The following PIEZO2 variants were observed in gnomAD, a reference collection of about 807,000 sequenced individuals.
PIEZO2 encodes the protein piezo type mechanosensitive ion channel component 2.
A neutral mutation model predicts 337.3 loss-of-function variants in PIEZO2; 172 were observed. The observed-to-expected ratio is 0.51, with a 90% CI of 0.45 to 0.58. The LOEUF (loss-of-function observed/expected upper bound fraction) is 0.58, where lower values mean the gene tolerates loss of function less well. Ranked by LOEUF, PIEZO2 falls within the 20% of genes least tolerant of loss-of-function variation. The pLI is 0.00. For missense variants in PIEZO2, 3,028 were observed against 3,391.3 expected (o/e 0.89, Z 2.66); for synonymous variants, 1,251 against 1,228.5 (o/e 1.02, Z -0.38).
intron 2 of PIEZO2, among the ~76,000 whole-genome samples, chr18:11,022,193 T>C (rs75427092): frequency 0.13 from 19,393 of 152,174 alleles, 1,457 homozygotes; most frequent in Middle Eastern, 0.2. Flanking sequence ...CTCATGCACA[T>C]CCAGGTGCAG....
At chr18:10,709,835 C>G (rs537387248) in intron 39 of PIEZO2, among the ~76,000 whole-genome samples, 2 of 152,248 alleles carry the variant, frequency 1.3e-5, no homozygotes, top group African/African-American at 4.8e-5. Context: ...TGTGAGCAAC[C>G]AAAATACTCT....
rs755517024 is a variant in PIEZO2, at chr18:10,750,871, C to T, written c.4168-684G>A. ...AGAATATCATCAGGATTTGCTCCAA[C>T]AGCAGCAGTTACTCGTTATGGATTC... On this transcript the variant is annotated intron_variant, in intron 28 of 55. Coordinates refer to ENST00000674853, the MANE Select transcript of PIEZO2 (RefSeq NM_001378183.1). This position sits in a 1 kb window ranked among gnomAD's most constrained non-coding sequence, Gnocchi z 4.1. 1.6e-4 allele frequency among the ~76,000 whole-genome samples: 25 copies of T among 152,200 alleles called. No individual in the cohort carries two copies. The highest frequency in any genetic ancestry group is 3.2e-4 in the Non-Finnish European group (22 of 68,026).
At chr18:11,058,331 A>C (rs1378985513) in intron 2 of PIEZO2, among the ~76,000 whole-genome samples, 2 of 152,198 alleles carry the variant, frequency 1.3e-5, no homozygotes, top group African/African-American at 4.8e-5. Flanking sequence ...TGGGGAAAAA[A>C]CAGCTGGAAA....
At chr18:10,890,002 T>C (rs1383621470) in intron 4 of PIEZO2, among the ~76,000 whole-genome samples, 2 of 152,228 alleles carry the variant, frequency 1.3e-5, no homozygotes, top group East Asian at 3.9e-4. Flanking sequence ...TCCATAATTA[T>C]ACACAGCCTA....
chr18:10,809,989 G>A (rs975040923), intron 7 of PIEZO2, among the ~76,000 whole-genome samples: 1 of 151,984 alleles, frequency 6.6e-6, no homozygotes, highest in Admixed American at 6.6e-5. Flanking sequence ...CTGCTTATTT[G>A]GAAATAAAAA....
In PIEZO2 at chr18:10,807,057, G is replaced by A. The variant is rs1335629272; in HGVS notation, c.1080+55C>T. On this transcript the variant is annotated intron_variant, in intron 8 of 55. Coordinates refer to ENST00000674853, the MANE Select transcript of PIEZO2 (RefSeq NM_001378183.1). ...AGAGAACAGGAGTGAATCATTTCAC[G>A]TGGAGATTCTAGGTTACTTTGCAGA... is the stretch of plus-strand genomic sequence containing the variant. 70 of 1,458,664 alleles carry A rather than the reference G, an allele frequency of 4.8e-5. No individual in the cohort carries two copies. In the Admixed American group the frequency reaches 1.3e-3, roughly 27 times the overall value. The allele number at this position is 1,458,664 out of a possible 1,614,324, so 90.4% of individuals were successfully genotyped here. A position where few individuals can be genotyped will look rare whatever the true frequency, so the allele number is the denominator to read the frequency against.
chr18:10,744,913 G>T (rs1486726915), intron 30 of PIEZO2, among the ~76,000 whole-genome samples: 2 of 152,184 alleles, frequency 1.3e-5, no homozygotes, highest in Non-Finnish European at 2.9e-5. Context: ...AGGGGCTGTT[G>T]GCAGCTGCTG....
At chr18:11,085,871 G>A (rs1248470359) in intron 1 of PIEZO2, among the ~76,000 whole-genome samples, 1 of 151,052 alleles carries the variant, frequency 6.6e-6, no homozygotes, top group Admixed American at 6.6e-5. Flanking sequence ...GAGAGTGGAA[G>A]AGAGGGTGGG....
chr18:10,728,954 C>CAAAAAAAAAAAAAAAAAA (rs143511795), intron 36 of PIEZO2, among the ~76,000 whole-genome samples: 1 of 75,654 alleles, frequency 1.3e-5, no homozygotes, highest in African/African-American at 4.8e-5. Flanking sequence ...GACTCTGTCT[C>CAAAAAAAAAAAAAAAAAA]AAAAAAAAAA....
intron 2 of PIEZO2, among the ~76,000 whole-genome samples, chr18:10,986,076 C>T (rs1206128592): frequency 6.6e-6 from 1 of 151,880 alleles, no homozygotes; most frequent in East Asian, 1.9e-4. Context: ...TTGTATCAGA[C>T]AAAATACACT....
chr18:10,726,292 A>C lies in PIEZO2; in HGVS notation c.5029+5115T>G. The C allele has an allele frequency of 1.2e-5, 12 of 997,930 alleles. No individual in the cohort carries two copies. Among genetic ancestry groups the C allele is most frequent in the Non-Finnish European group, 1.8e-5 (12 of 669,950 alleles). The allele number at this position is 997,930 out of a possible 1,614,324, so 61.8% of individuals were successfully genotyped here. ...GCATGAGAATGGAAGCGTCGCGGCC[A>C]GAGCCCCGGCCAGGTGGAGCAGGTG... On this transcript the variant is annotated intron_variant, in intron 36 of 55. Transcript: ENST00000674853. The surrounding 1 kb of genome is among the most constrained non-coding windows in gnomAD (Gnocchi z 5.9).
chr18:10,696,670 T>G, intron 45 of PIEZO2, 131 bp from the exon 46 acceptor site: 1 of 1,029,146 alleles, frequency 9.7e-7, no homozygotes, highest in Non-Finnish European at 1.4e-6. Context: ...TTCCTCTCTC[T>G]GCCTCAGGAT....
chr18:10,724,691 G>A lies in PIEZO2; in HGVS notation c.5030-6432C>T, dbSNP rs973798542. 5.7e-5 allele frequency: 66 copies of A among 1,148,828 alleles called. No individual in the cohort carries two copies. The highest frequency in any genetic ancestry group is 9.2e-5 in the African/African-American group (6 of 65,084). 71.2% of individuals were successfully genotyped at this position (1,148,828 alleles called of 1,614,324 possible). ...CCACCTACCAGTCTGCTGTCCCTGCGTCATAGGCTGAAGCACTCAGACCGA... is the reference window on the plus strand; with the variant it reads ...CCACCTACCAGTCTGCTGTCCCTGCATCATAGGCTGAAGCACTCAGACCGA... On this transcript the variant is annotated intron_variant, in intron 36 of 55. Coordinates refer to ENST00000674853, the MANE Select transcript of PIEZO2 (RefSeq NM_001378183.1). This position sits in a 1 kb window ranked among gnomAD's most constrained non-coding sequence, Gnocchi z 5.8.
intron 1 of PIEZO2, among the ~76,000 whole-genome samples, chr18:11,123,689 A>G (rs2040097510): frequency 6.6e-6 from 1 of 152,158 alleles, no homozygotes; most frequent in Non-Finnish European, 1.5e-5. Context: ...GGGCACCTGT[A>G]GTCCCAGCTA....
chr18:10,957,860 GAACA>G (rs1365583680), intron 3 of PIEZO2, among the ~76,000 whole-genome samples: 1 of 152,168 alleles, frequency 6.6e-6, no homozygotes, highest in Non-Finnish European at 1.5e-5. Flanking sequence ...CGAAGAATCT[GAACA>G]AACATTTCTC....
chr18:10,992,120 CT>C (rs1374452428), intron 2 of PIEZO2, among the ~76,000 whole-genome samples: 3 of 152,038 alleles, frequency 2.0e-5, no homozygotes, highest in Admixed American at 2.0e-4. Context: ...TTTGTAGATT[CT>C]GGATATTAGC....
At chr18:10,680,158 TG>T in intron 52 of PIEZO2, 40 bp downstream of exon 52, 1 of 1,530,816 alleles carries the variant, frequency 6.5e-7, no homozygotes, top group Non-Finnish European at 8.9e-7. Context: ...ATGTTTAGAC[TG>T]GGGAAAGGGA....
At chr18:10,764,443 C>T (rs182466753) in intron 21 of PIEZO2, among the ~76,000 whole-genome samples, 38 of 152,128 alleles carry the variant, frequency 2.5e-4, no homozygotes, top group African/African-American at 8.2e-4. Context: ...AGTTCAAGAC[C>T]GGCCCGGCCA....
intron 1 of PIEZO2, among the ~76,000 whole-genome samples, chr18:11,098,274 C>T (rs534511533): frequency 1.6e-3 from 231 of 143,368 alleles, no homozygotes; most frequent in Middle Eastern, 7.0e-3. Flanking sequence ...CACACACACA[C>T]GAAAAAATAA....
Sources: gnomAD v4.1 joint callset for allele counts (sites outside exome capture counted in the v4.1 genomes callset) on GRCh38, gnomAD v4.1.1 for gene constraint, Gnocchi (gnomAD v3.1) non-coding constraint, MANE v1.5 for transcripts, NCBI Gene and HGNC (gene_info 2026-07-23, HGNC 2026-07-21) for gene names.